RTKN2: variants seen among roughly 807,000 people sequenced by gnomAD.
RTKN2 encodes the protein rhotekin-2.
In RTKN2, 69 loss-of-function variants were observed where a neutral mutation model predicts 71.5. The ratio of observed to expected loss-of-function variants is 0.96; its 90% CI spans 0.79 to 1.18. The LOEUF (loss-of-function observed/expected upper bound fraction) is 1.18, where lower values mean the gene tolerates loss of function less well. RTKN2 is among the 50% of genes most tolerant of loss of function. The pLI, the probability that RTKN2 is intolerant of heterozygous loss-of-function variation, is 0.00. For missense variants in RTKN2, 724 were observed against 719.7 expected (o/e 1.01, Z -0.07); for synonymous variants, 236 against 236.5 (o/e 1.00, Z 0.02).
intron 9 of RTKN2, among the ~76,000 whole-genome samples, chr10:62,212,206 G>A (rs986809899): frequency 4.6e-5 from 7 of 151,418 alleles, no homozygotes; most frequent in African/African-American, 9.7e-5. Flanking sequence ...AGGGCACAGC[G>A]AAAACTTCAA....
Position 62,196,605 on chromosome 10 carries a change from C to G in RTKN2, c.*1303G>C, listed in dbSNP as rs1360880152. 1 of 984,838 alleles carries G rather than the reference C, an allele frequency of 1.0e-6. No homozygotes were observed. Among genetic ancestry groups the G allele is most frequent in the Non-Finnish European group, 1.2e-6 (1 of 829,542 alleles). 61.0% of individuals were successfully genotyped at this position (984,838 alleles called of 1,614,324 possible). On this transcript the variant is annotated 3_prime_UTR_variant, in exon 12 of 12. Transcript: ENST00000373789. ...AGTTCTGATCCAAATAGAGTTCTTG[C>G]TAGCTTTAAAAAGATCTCAAGAGAT... is the stretch of plus-strand genomic sequence containing the variant.
Position 62,268,444 on chromosome 10 carries a change from TAGA to T in RTKN2, c.60+104_60+106del, listed in dbSNP as rs764489261. 1.4e-4 allele frequency: 152 copies of T among 1,081,064 alleles called. 1 individual carries two copies. In the East Asian group the frequency reaches 2.6e-3, roughly 18 times the overall value. The allele number at this position is 1,081,064 out of a possible 1,614,324, so 67.0% of individuals were successfully genotyped here. On this transcript the variant is annotated intron_variant, in intron 1 of 11. Transcript: ENST00000373789. ...CCTTTGTTTCTGGCCACCGCTGAAATAGAGGAGCGGGGGAGAGGCTTTCCCGAC... is the reference window on the plus strand; with the variant it reads ...CCTTTGTTTCTGGCCACCGCTGAAATGGAGCGGGGGAGAGGCTTTCCCGAC...
chr10:62,259,960 C>T (rs1157244238), intron 2 of RTKN2, among the ~76,000 whole-genome samples: 1 of 152,154 alleles, frequency 6.6e-6, no homozygotes, highest in Non-Finnish European at 1.5e-5. Context: ...ATTAGATATT[C>T]GTCAATTCCA....
At chr10:62,226,130 T>C (rs1411597810) in intron 6 of RTKN2, among the ~76,000 whole-genome samples, 3 of 152,200 alleles carry the variant, frequency 2.0e-5, no homozygotes, top group African/African-American at 7.2e-5. Context: ...CATGATTTTC[T>C]TGATTTTATT....
intron 2 of RTKN2, among the ~76,000 whole-genome samples, chr10:62,253,272 T>C (rs1026385902): frequency 6.6e-6 from 1 of 152,190 alleles, no homozygotes; most frequent in Non-Finnish European, 1.5e-5. Flanking sequence ...CACTTTATAA[T>C]GCAAAAGGCT....
In RTKN2 at chr10:62,195,416, CA is replaced by C. The variant is rs1455959540; in HGVS notation, c.*2491del. On this transcript the variant is annotated 3_prime_UTR_variant, in exon 12 of 12. Transcript: ENST00000373789. ...GAGAAAACAAACAATTCTTTTGAAACACTCTTTGACACAGTGCTTAACTATT... is the reference window on the plus strand; with the variant it reads ...GAGAAAACAAACAATTCTTTTGAAACCTCTTTGACACAGTGCTTAACTATT... 110 of 982,198 alleles carry C rather than the reference CA, an allele frequency of 1.1e-4. No individual in the cohort carries two copies. Among genetic ancestry groups the C allele is most frequent in the Non-Finnish European group, 1.3e-4 (105 of 827,196 alleles). 60.8% of individuals were successfully genotyped at this position (982,198 alleles called of 1,614,324 possible).
chr10:62,203,966 G>GC (rs1191971743), intron 10 of RTKN2, among the ~76,000 whole-genome samples: 2 of 152,172 alleles, frequency 1.3e-5, no homozygotes, highest in Non-Finnish European at 2.9e-5. Flanking sequence ...CTTGAGGGCT[G>GC]CAAGTATTAA....
At chr10:62,268,013 A>G (rs1002767034) in intron 1 of RTKN2, among the ~76,000 whole-genome samples, 1 of 152,326 alleles carries the variant, frequency 6.6e-6, no homozygotes, top group South Asian at 2.1e-4. Context: ...TTTCCTTTCA[A>G]ATGATTTGAG....
intron 1 of RTKN2, among the ~76,000 whole-genome samples, chr10:62,265,220 G>C (rs893348362): frequency 6.6e-6 from 1 of 152,102 alleles, no homozygotes; most frequent in Non-Finnish European, 1.5e-5. Flanking sequence ...TTTAGAGCAA[G>C]GGTCAGAAAA....
chr10:62,210,691 G>A (rs1424451454), intron 9 of RTKN2, among the ~76,000 whole-genome samples: 3 of 152,102 alleles, frequency 2.0e-5, no homozygotes, highest in Non-Finnish European at 4.4e-5. Flanking sequence ...TATACGACAA[G>A]GAATGTTTGA....
chr10:62,222,914 G>A (rs552317793), intron 7 of RTKN2, among the ~76,000 whole-genome samples: 3 of 152,120 alleles, frequency 2.0e-5, no homozygotes, highest in Non-Finnish European at 2.9e-5. Flanking sequence ...AGAAAAGCTG[G>A]CTTCCTTGAT....
chr10:62,199,634 C>A, intron 11 of RTKN2, 120 bp downstream of exon 11: 1 of 568,884 alleles, frequency 1.8e-6, no homozygotes, highest in South Asian at 2.7e-5. Flanking sequence ...AGTCTTTTTT[C>A]ATTTATTTTG....
chr10:62,236,986 G>C (rs1360938938), intron 5 of RTKN2, among the ~76,000 whole-genome samples: 1 of 151,788 alleles, frequency 6.6e-6, no homozygotes, highest in African/African-American at 2.4e-5. Flanking sequence ...AGAGGAAATG[G>C]GGAGATATAG....
rs191159688 is a variant in RTKN2 at position 62,198,122 on chromosome 10, G to A, written c.1616C>T (p.Ser539Leu). ...NWGKTSVSQT[S>L]SLDTKLSTLM... is the part of the protein sequence containing the mutation. ...AGTTGATAGTTTGGTATCCAAAGAC[G>A]ATGTCTGAGATACACTTGTTTTTCC... Residue 539 changes from serine (S) to leucine (L), a missense_variant, in exon 12 of 12, where the codon TCG becomes TTG. Ser to Leu is a moderately radical substitution (Grantham distance 145, BLOSUM62 -2). Transcript: ENST00000373789. The A allele has an allele frequency of 1.1e-5, 18 of 1,614,132 alleles. No homozygotes were observed. The Admixed American group carries it at 2.5e-4, about 22-fold the overall frequency.
chr10:62,239,663 T>C lies in RTKN2; in HGVS notation c.473A>G (p.Glu158Gly), dbSNP rs1842330412. Residue 158 changes from glutamate (E) to glycine (G), a missense_variant, in exon 5 of 12, where the codon GAA (glutamate) becomes GGA (glycine). Transcript: ENST00000373789. ...AAATACTTACAATATGGTTACATTTTCAAAACATATATCTGTGATTGTTTT... is the reference window on the plus strand; with the variant it reads ...AAATACTTACAATATGGTTACATTTCCAAAACATATATCTGTGATTGTTTT... ...VDKTITDICF[E>G]NVTIFNEAGP... is the part of the protein sequence containing the mutation. The C allele has an allele frequency of 1.4e-6, 2 of 1,457,852 alleles. No homozygotes were observed. Among genetic ancestry groups the C allele is most frequent in the Non-Finnish European group, 1.9e-6 (2 of 1,063,074 alleles). 90.3% of individuals were successfully genotyped at this position (1,457,852 alleles called of 1,614,324 possible).
intron 2 of RTKN2, among the ~76,000 whole-genome samples, chr10:62,249,390 G>A (rs1842537315): frequency 1.3e-5 from 2 of 150,920 alleles, no homozygotes; most frequent in Admixed American, 1.3e-4. Flanking sequence ...GTTGGGGGGT[G>A]GTGGGGGCAG....
In RTKN2 at chr10:62,195,398, C is replaced by CA. The variant is rs1437849414; in HGVS notation, c.*2509dup. On this transcript the variant is annotated 3_prime_UTR_variant, in exon 12 of 12. Transcript: ENST00000373789. ...ACTTCTGGTTTAAGAAATGAGAAAA[C>CA]AAACAATTCTTTTGAAACACTCTTT... 1 of 982,524 alleles carries CA rather than the reference C, an allele frequency of 1.0e-6. No homozygotes were observed. Among genetic ancestry groups the CA allele is most frequent in the African/African-American group, 1.8e-5 (1 of 57,064 alleles). The allele number at this position is 982,524 out of a possible 1,614,324, so 60.9% of individuals were successfully genotyped here.
Position 62,260,139 on chromosome 10 carries a change from A to C in RTKN2, c.257+2486T>G, listed in dbSNP as rs1311430184. Among the ~76,000 whole-genome samples the C allele has an allele frequency of 6.6e-5, 10 of 152,198 alleles. 1 individual carries two copies. Among genetic ancestry groups the C allele is most frequent in the Non-Finnish European group, 4.4e-5 (3 of 68,030 alleles). The stretch of plus-strand genomic sequence containing the variant: ...TAAAACTGAGCATTTTTCCACCTTA[A>C]GGACTAACCAAACTAAGGTACAGAC... On this transcript the variant is annotated intron_variant, in intron 2 of 11. Coordinates refer to ENST00000373789, the MANE Select transcript of RTKN2 (RefSeq NM_145307.4).
At position 62,195,806 on chromosome 10, in the gene RTKN2, T is replaced by C. The variant is rs1165421084; in HGVS notation, c.*2102A>G. 1.0e-6 allele frequency: 1 copy of C among 985,178 alleles called. No homozygotes were observed. Among genetic ancestry groups the C allele is most frequent in the Non-Finnish European group, 1.2e-6 (1 of 830,008 alleles). 61.0% of individuals were successfully genotyped at this position (985,178 alleles called of 1,614,324 possible). A position where few individuals can be genotyped will look rare whatever the true frequency, so the allele number is the denominator to read the frequency against. ...GCCCCCCAGAAAGAGACCGAATAATTTGGTGGGGAGGGGGTGGTGGTCCTT... is the reference window on the plus strand; with the variant it reads ...GCCCCCCAGAAAGAGACCGAATAATCTGGTGGGGAGGGGGTGGTGGTCCTT... On this transcript the variant is annotated 3_prime_UTR_variant, in exon 12 of 12. Transcript: ENST00000373789.
Sources: gnomAD v4.1 joint callset for allele counts (sites outside exome capture counted in the v4.1 genomes callset) on GRCh38, gnomAD v4.1.1 for gene constraint, MANE v1.5 for transcripts, NCBI Gene and HGNC (gene_info 2026-07-23, HGNC 2026-07-21) for gene names.